The following PTPRD variants were observed in gnomAD, a reference collection of about 807,000 sequenced individuals.
The protein encoded by PTPRD is receptor-type tyrosine-protein phosphatase delta.
Under a neutral mutation model 214.5 loss-of-function variants are expected in PTPRD, and 34 were observed. That is an observed-to-expected ratio of 0.16 (90% CI 0.12 to 0.21). The LOEUF is 0.21. Ranked by LOEUF, PTPRD falls within the 10% of genes least tolerant of loss-of-function variation. PTPRD has a pLI of 1.00. For missense variants in PTPRD, 2,545 were observed against 2,398.7 expected (o/e 1.06, Z -1.27); for synonymous variants, 1,128 against 845.7 (o/e 1.33, Z -5.79).
chr9:8,852,269 A>T (rs993436890), intron 11 of PTPRD, among the ~76,000 whole-genome samples: 2 of 152,208 alleles, frequency 1.3e-5, no homozygotes, highest in African/African-American at 4.8e-5. Context: ...GAAAAAGAAA[A>T]AGACAATTGA....
At chr9:9,734,345 T>C (rs2098255060) in intron 7 of PTPRD, among the ~76,000 whole-genome samples, 188 bp downstream of exon 7, 1 of 152,158 alleles carries the variant, frequency 6.6e-6, no homozygotes, top group Non-Finnish European at 1.5e-5. Context: ...TCTGGACTTA[T>C]CATATTGTCT....
At chr9:10,278,305 A>T (rs1013196495) in intron 3 of PTPRD, among the ~76,000 whole-genome samples, 1 of 152,250 alleles carries the variant, frequency 6.6e-6, no homozygotes, top group Non-Finnish European at 1.5e-5. Flanking sequence ...TAGGGTAGAC[A>T]TATGATAGTC....
In PTPRD at chr9:9,057,313, C is replaced by T. The variant is rs928090280; in HGVS notation, c.-142-38578G>A. Among the ~76,000 whole-genome samples the T allele has an allele frequency of 3.3e-5, 5 of 152,034 alleles. No individual in the cohort carries two copies. The South Asian group carries it at 6.2e-4, about 19-fold the overall frequency. On this transcript the variant is annotated intron_variant, in intron 10 of 45. Coordinates refer to ENST00000381196, the MANE Select transcript of PTPRD (RefSeq NM_002839.4). ...AATGATATATTTTTTTTCTAAGAAT[C>T]GAAGTATATTTGAGCTGAAAGGGGC... is the stretch of plus-strand genomic sequence containing the variant.
chr9:9,654,274 T>C (rs1026808142), intron 7 of PTPRD, among the ~76,000 whole-genome samples: 8 of 152,168 alleles, frequency 5.3e-5, no homozygotes, highest in African/African-American at 1.7e-4. Context: ...GTAAAATATG[T>C]GATGTATAAT....
At chr9:8,830,581 A>C (rs1389879084) in intron 11 of PTPRD, among the ~76,000 whole-genome samples, 1 of 152,124 alleles carries the variant, frequency 6.6e-6, no homozygotes, top group Non-Finnish European at 1.5e-5. Flanking sequence ...TGATCATCTC[A>C]AAACTCCTTC....
At chr9:8,348,321 G>A (rs1344570202) in intron 39 of PTPRD, among the ~76,000 whole-genome samples, 1 of 152,058 alleles carries the variant, frequency 6.6e-6, no homozygotes. Flanking sequence ...ATATGTCTTT[G>A]AATAATGCTT....
intron 10 of PTPRD, among the ~76,000 whole-genome samples, chr9:9,175,636 A>C (rs2099924307): frequency 6.6e-6 from 1 of 151,482 alleles, no homozygotes; most frequent in South Asian, 2.1e-4. Context: ...AAAAAAAAAA[A>C]AAAAAAAAAA....
chr9:10,356,112 C>CT (rs140469487), intron 2 of PTPRD, among the ~76,000 whole-genome samples: 13,973 of 142,490 alleles, frequency 0.098, 769 homozygotes, highest in South Asian at 0.25. Context: ...AGAAAATTGC[C>CT]TTTTTTTTTT....
In PTPRD at chr9:9,134,227, C is replaced by T. The variant is rs530204121; in HGVS notation, c.-143+49077G>A. Among the ~76,000 whole-genome samples the T allele has an allele frequency of 1.2e-4, 18 of 148,044 alleles. No individual in the cohort carries two copies. The South Asian group carries it at 1.3e-3, about 11-fold the overall frequency. ...AGCTGGGACTACAGGTGCCCGCCACCACGCCCGGCTAATTTTTTGTATTTT... is the reference window on the plus strand; with the variant it reads ...AGCTGGGACTACAGGTGCCCGCCACTACGCCCGGCTAATTTTTTGTATTTT... On this transcript the variant is annotated intron_variant, in intron 10 of 45. Coordinates refer to ENST00000381196, the MANE Select transcript of PTPRD (RefSeq NM_002839.4).
intron 5 of PTPRD, among the ~76,000 whole-genome samples, chr9:9,850,842 C>A (rs958522378): frequency 1.3e-5 from 2 of 152,126 alleles, no homozygotes; most frequent in African/African-American, 4.8e-5. Context: ...CTACCACCAC[C>A]ACTCTCCACT....
chr9:9,687,532 T>C (rs1595234260), intron 7 of PTPRD, among the ~76,000 whole-genome samples: 2 of 135,288 alleles, frequency 1.5e-5, no homozygotes, highest in African/African-American at 5.3e-5. Flanking sequence ...ATAGGGCAAT[T>C]TCATATTGTT....
At chr9:9,861,539 C>T (rs1460486438) in intron 5 of PTPRD, among the ~76,000 whole-genome samples, 1 of 152,190 alleles carries the variant, frequency 6.6e-6, no homozygotes, top group Non-Finnish European at 1.5e-5. Context: ...ATCCGCCCAC[C>T]TCGGCCTCTC....
At chr9:8,941,743 A>T (rs1411129691) in intron 11 of PTPRD, among the ~76,000 whole-genome samples, 1 of 152,214 alleles carries the variant, frequency 6.6e-6, no homozygotes, top group Non-Finnish European at 1.5e-5. Context: ...TACGACTTTC[A>T]TCAAGGGCTT....
intron 35 of PTPRD, among the ~76,000 whole-genome samples, chr9:8,435,455 T>C (rs989422452): frequency 2.0e-5 from 3 of 152,072 alleles, no homozygotes; most frequent in African/African-American, 7.2e-5. Context: ...AGTAAGTAAA[T>C]CAATAGAAAC....
Position 10,129,040 on chromosome 9 carries a change from G to C in PTPRD, c.-544-95250C>G, listed in dbSNP as rs1014847856. Among the ~76,000 whole-genome samples, 3 of 152,060 alleles carry C rather than the reference G, an allele frequency of 2.0e-5. No homozygotes were observed. The East Asian group carries it at 5.8e-4, about 29-fold the overall frequency. On this transcript the variant is annotated intron_variant, in intron 3 of 45. Transcript: ENST00000381196. ...AGTTTTACAAAATGATAAAATAATAGCTACTATTAACAAGGGTAGAGAAGA... is the reference window on the plus strand; with the variant it reads ...AGTTTTACAAAATGATAAAATAATACCTACTATTAACAAGGGTAGAGAAGA...
intron 2 of PTPRD, among the ~76,000 whole-genome samples, chr9:10,569,402 C>G (rs2066718687): frequency 6.6e-6 from 1 of 151,946 alleles, no homozygotes; most frequent in Non-Finnish European, 1.5e-5. Context: ...CTTTCATGAC[C>G]TGGTTTTCTG....
intron 12 of PTPRD, among the ~76,000 whole-genome samples, chr9:8,646,245 C>T (rs192196085): frequency 6.6e-6 from 1 of 152,252 alleles, no homozygotes; most frequent in Admixed American, 6.5e-5. Flanking sequence ...ACTTCAGGTG[C>T]TTCATCTCGA....
chr9:8,722,596 T>C (rs889408168), intron 12 of PTPRD, among the ~76,000 whole-genome samples: 4 of 152,176 alleles, frequency 2.6e-5, no homozygotes, highest in African/African-American at 7.2e-5. Flanking sequence ...AGGAATCCTA[T>C]TGCTGTAATT....
chr9:9,071,187 T>C (rs1183958263), intron 10 of PTPRD, among the ~76,000 whole-genome samples: 2 of 152,242 alleles, frequency 1.3e-5, no homozygotes, highest in Admixed American at 6.5e-5. Context: ...AAACTTGGAG[T>C]GGCTTGCATG....
Sources: allele counts gnomAD v4.1 joint callset (sites outside exome capture counted in the v4.1 genomes callset), GRCh38; gene constraint gnomAD v4.1.1; transcripts MANE v1.5; gene names NCBI Gene and HGNC (gene_info 2026-07-23, HGNC 2026-07-21).